The following EDEM3 variants were observed in gnomAD, a reference collection of about 807,000 sequenced individuals.
EDEM3 encodes the protein ER degradation enhancing alpha-mannosidase like protein 3.
In EDEM3, 60 loss-of-function variants were observed where a neutral mutation model predicts 110.2. That is an observed-to-expected ratio of 0.54 (90% CI 0.44 to 0.67). EDEM3 has a LOEUF of 0.67. Among genes scored for constraint, EDEM3 ranks in the 30% least tolerant of loss-of-function variants. The pLI, the probability that EDEM3 is intolerant of heterozygous loss-of-function variation, is 0.00. For synonymous variants in EDEM3, 352 were observed against 382.9 expected, an observed-to-expected ratio of 0.92 and a Z score of 0.94; for missense variants, 996 against 1,121.0, an observed-to-expected ratio of 0.89 and a Z score of 1.59.
At chr1:184,702,127 C>A (rs1052715041) in intron 19 of EDEM3, among the ~76,000 whole-genome samples, 1 of 152,134 alleles carries the variant, frequency 6.6e-6, no homozygotes, top group African/African-American at 2.4e-5. Context: ...TCCTCTATCC[C>A]TGGGTGTGAA....
chr1:184,724,609 T>G (rs931273922), intron 7 of EDEM3, among the ~76,000 whole-genome samples: 5 of 152,276 alleles, frequency 3.3e-5, no homozygotes, highest in East Asian at 1.9e-4. Context: ...CAGAAGGACT[T>G]CTATAAAAGA....
At position 184,693,525 on chromosome 1, in the gene EDEM3, A is replaced by G. The variant is rs6690603; in HGVS notation, c.*538T>C. On this transcript the variant is annotated 3_prime_UTR_variant, in exon 20 of 20. Coordinates refer to ENST00000318130, the MANE Select transcript of EDEM3 (RefSeq NM_025191.4). ...CTAAATGAAACAAGAGAAAGCAATG[A>G]GCAAAGACTGTTTTCACCATAAATG... is the stretch of plus-strand genomic sequence containing the variant. The G allele has an allele frequency of 0.12, 17,820 of 152,540 alleles. 2,315 individuals are homozygous for G. The highest frequency in any genetic ancestry group is 0.32 in the African/African-American group (13,387 of 41,452). 9.4% of individuals were successfully genotyped at this position (152,540 alleles called of 1,614,324 possible).
chr1:184,719,773 A>ATGC (rs1390502529), intron 9 of EDEM3, among the ~76,000 whole-genome samples: 1 of 152,238 alleles, frequency 6.6e-6, no homozygotes, highest in African/African-American at 2.4e-5. Flanking sequence ...TCTAACTCAC[A>ATGC]TGCAGACTAT....
Position 184,726,276 on chromosome 1 carries a change from G to C in EDEM3, c.726C>G (p.Phe242Leu), listed in dbSNP as rs1444057705. 5.0e-6 allele frequency: 8 copies of C among 1,613,596 alleles called. No individual in the cohort carries two copies. In the South Asian group the frequency reaches 7.7e-5, roughly 16 times the overall value. The change falls in exon 7 of 20, where the codon TTC becomes TTG. Residue 242 changes from phenylalanine (F) to leucine (L), a missense_variant. Phe to Leu is a conservative substitution (Grantham distance 22, BLOSUM62 0). Coordinates refer to ENST00000318130, the MANE Select transcript of EDEM3 (RefSeq NM_025191.4). ...AAACCTCAAATATTGTTGCTCCTGTGAATCGACTTAAAGCAGCAAATTCAA... is the reference window on the plus strand; with the variant it reads ...AAACCTCAAATATTGTTGCTCCTGTCAATCGACTTAAAGCAGCAAATTCAA... ...LILEFAALSRFTGATIFEEYA... is the reference protein window; with the variant it reads ...LILEFAALSRLTGATIFEEYA...
intron 5 of EDEM3, 74 bp downstream of exon 5, chr1:184,734,457 A>C: frequency 1.8e-6 from 1 of 541,126 alleles, no homozygotes; most frequent in African/African-American, 2.0e-5. Flanking sequence ...ACTGAGCAAG[A>C]CTCTGTCTCA....
intron 8 of EDEM3, among the ~76,000 whole-genome samples, chr1:184,723,497 T>G (rs2102093216): frequency 6.6e-6 from 1 of 151,864 alleles, no homozygotes; most frequent in South Asian, 2.1e-4. Flanking sequence ...TTCAAATAAA[T>G]TATAGCGTTT....
chr1:184,727,570 G>A (rs1380080112), intron 6 of EDEM3, among the ~76,000 whole-genome samples: 1 of 152,086 alleles, frequency 6.6e-6, no homozygotes, highest in Non-Finnish European at 1.5e-5. Context: ...CCTTAACAGT[G>A]TCCAATCAAC....
At chr1:184,744,846 A>G (rs1267174553) in intron 2 of EDEM3, among the ~76,000 whole-genome samples, 1 of 152,186 alleles carries the variant, frequency 6.6e-6, no homozygotes, top group Non-Finnish European at 1.5e-5. Context: ...TCTCAAAAGC[A>G]TCATGCTAAA....
At chr1:184,714,669 T>G (rs965306369) in intron 13 of EDEM3, among the ~76,000 whole-genome samples, 8 of 152,196 alleles carry the variant, frequency 5.3e-5, no homozygotes, top group Admixed American at 2.6e-4. Context: ...ATGTAAGGTA[T>G]GCTCATCTAA....
chr1:184,722,130 T>A (rs778088127), intron 8 of EDEM3, among the ~76,000 whole-genome samples: 2 of 152,074 alleles, frequency 1.3e-5, no homozygotes, highest in Non-Finnish European at 2.9e-5. Context: ...TACAAGCACA[T>A]ACATGCTGGT....
At position 184,712,517 on chromosome 1, in the gene EDEM3, T is replaced by G; in HGVS notation, c.1452A>C (p.Ile484=). Residue 484 remains isoleucine, a synonymous_variant, in exon 14 of 20, where the codon ATA becomes ATC. Transcript: ENST00000318130. The stretch of plus-strand genomic sequence containing the variant: ...CTTCTGTTGTAAAGATGTAATCTTC[T>G]ATGTCAAAAATAATGTCTTCTTTAT... The part of the protein sequence containing the change: ...FADKEDIIFD[I]EDYIFTTEAH... The G allele has an allele frequency of 6.2e-7, 1 of 1,603,756 alleles. No homozygotes were observed. Among genetic ancestry groups the G allele is most frequent in the Non-Finnish European group, 8.5e-7 (1 of 1,174,662 alleles).
chr1:184,733,255 G>A (rs754362012), intron 5 of EDEM3, among the ~76,000 whole-genome samples: 18 of 151,906 alleles, frequency 1.2e-4, no homozygotes, highest in African/African-American at 3.4e-4. Flanking sequence ...AAGAAAATCC[G>A]AGATACTACA....
intron 19 of EDEM3, among the ~76,000 whole-genome samples, chr1:184,698,367 G>C (rs2102056053): frequency 6.6e-6 from 1 of 151,806 alleles, no homozygotes; most frequent in South Asian, 2.1e-4. Context: ...ACAAAAACCT[G>C]GAAATAATTT....
At chr1:184,704,984 T>C (rs978948071) in intron 18 of EDEM3, among the ~76,000 whole-genome samples, 2 of 151,566 alleles carry the variant, frequency 1.3e-5, no homozygotes, top group Non-Finnish European at 2.9e-5. Flanking sequence ...GCAGGGAGAA[T>C]TGCTTGAACC....
chr1:184,733,544 T>C (rs764553589), intron 5 of EDEM3, among the ~76,000 whole-genome samples: 4 of 152,134 alleles, frequency 2.6e-5, no homozygotes, highest in Admixed American at 1.3e-4. Context: ...TTTCAAAATA[T>C]CCTGGCCAGG....
At chr1:184,716,760 T>G (rs988556222) in intron 13 of EDEM3, 128 bp downstream of exon 13, 1 of 1,340,242 alleles carries the variant, frequency 7.5e-7, no homozygotes, top group Non-Finnish European at 1.0e-6. Flanking sequence ...TTTAAAAAAG[T>G]AAACACAAGG....
chr1:184,708,397 T>C, intron 16 of EDEM3, 53 bp from the exon 17 acceptor site: 1 of 1,591,120 alleles, frequency 6.3e-7, no homozygotes, highest in Non-Finnish European at 8.6e-7. Context: ...CTTCCACCAA[T>C]TTTTTGATTT....
At chr1:184,708,473 GTATTT>G in intron 16 of EDEM3, 129 bp from the exon 17 acceptor site, 1 of 831,684 alleles carries the variant, frequency 1.2e-6, no homozygotes, top group Non-Finnish European at 1.8e-6. Flanking sequence ...TCACCACCAA[GTATTT>G]ATGACCTTAT....
rs760491441 is a variant in EDEM3, at chr1:184,749,604, A to G, written c.159-12T>C. The G allele has an allele frequency of 1.3e-5, 20 of 1,528,604 alleles. No homozygotes were observed. Among genetic ancestry groups the G allele is most frequent in the African/African-American group, 4.3e-5 (3 of 69,994 alleles). The allele number at this position is 1,528,604 out of a possible 1,614,324, so 94.7% of individuals were successfully genotyped here. On this transcript the variant is annotated splice_polypyrimidine_tract_variant and intron_variant, in intron 1 of 19. Transcript: ENST00000318130. ...CCAGTACTTGATTCCTAATTTTAAA[A>G]GAGCAGAAATGGAAAAAAAAAAAAA...
Sources: allele counts gnomAD v4.1 joint callset (sites outside exome capture counted in the v4.1 genomes callset), GRCh38; gene constraint gnomAD v4.1.1; transcripts MANE v1.5; gene names NCBI Gene and HGNC (gene_info 2026-07-23, HGNC 2026-07-21).